Variants in NFATC3 observed in about 807,000 individuals in gnomAD.
NFATC3 encodes nuclear factor of activated T-cells, cytoplasmic 3.
In NFATC3, 46 loss-of-function variants were observed where a neutral mutation model predicts 98.6. That is an observed-to-expected ratio of 0.47 (90% confidence interval 0.37 to 0.60). The LOEUF (loss-of-function observed/expected upper bound fraction) is 0.60. NFATC3 is among the 20% of genes least tolerant of loss of function. The pLI, the probability that NFATC3 is intolerant of heterozygous loss-of-function variation, is 0.00. For missense variants in NFATC3, 1,256 were observed against 1,295.5 expected (o/e 0.97, Z 0.47); for synonymous variants, 512 against 472.2 (o/e 1.08, Z -1.09).
intron 3 of NFATC3, among the ~76,000 whole-genome samples, chr16:68,127,314 A>G (rs529812553): frequency 6.6e-6 from 1 of 152,220 alleles, no homozygotes; most frequent in Non-Finnish European, 1.5e-5. Flanking sequence ...TTAACATTTG[A>G]TTAACATTCC....
chr16:68,176,174 C>A (rs1486975997), intron 6 of NFATC3, among the ~76,000 whole-genome samples: 1 of 152,226 alleles, frequency 6.6e-6, no homozygotes, highest in South Asian at 2.1e-4. Flanking sequence ...AATGGGGTTT[C>A]ACCATATTGG....
At chr16:68,174,605 A>G in intron 6 of NFATC3, 91 bp downstream of exon 6, 1 of 1,124,320 alleles carries the variant, frequency 8.9e-7, no homozygotes, top group Non-Finnish European at 1.2e-6. Flanking sequence ...ATTACAAAGT[A>G]GTTTTCATAA....
intron 8 of NFATC3, among the ~76,000 whole-genome samples, chr16:68,186,778 CTGTTATGTTAG>C (rs72404327): frequency 0.1 from 15,668 of 152,072 alleles, 1,064 homozygotes; most frequent in Non-Finnish European, 0.16. Flanking sequence ...GACCTGATCT[CTGTTATGTTAG>C]TGTTATTTTG....
chr16:68,090,758 A>T (rs1200199397), intron 1 of NFATC3, among the ~76,000 whole-genome samples: 1 of 152,138 alleles, frequency 6.6e-6, no homozygotes, highest in Non-Finnish European at 1.5e-5. Flanking sequence ...TAGAAATTTA[A>T]TGGTGTGTTT....
At chr16:68,098,625 A>C (rs1171283802) in intron 1 of NFATC3, among the ~76,000 whole-genome samples, 1 of 152,088 alleles carries the variant, frequency 6.6e-6, no homozygotes, top group Non-Finnish European at 1.5e-5. Flanking sequence ...GAAACTGCCA[A>C]ACTGTTTTCC....
intron 3 of NFATC3, chr16:68,138,682 C>G: frequency 7.8e-7 from 1 of 1,286,822 alleles, no homozygotes; most frequent in Non-Finnish European, 1.0e-6. Context: ...TCACATGGCC[C>G]TACTTACATG....
chr16:68,086,663 TAA>T (rs2034395986), intron 1 of NFATC3: 1 of 985,442 alleles, frequency 1.0e-6, no homozygotes, highest in African/African-American at 1.7e-5. Context: ...AGGAAATGGA[TAA>T]GAGTAATCCC....
Position 68,127,084 on chromosome 16 carries a change from G to A in NFATC3, c.1401+474G>A, listed in dbSNP as rs145408430. 8.2e-3 allele frequency among the ~76,000 whole-genome samples: 1,252 copies of A among 152,104 alleles called. 16 individuals are homozygous for A. The highest frequency in any genetic ancestry group is 0.028 in the African/African-American group (1,171 of 41,480). On this transcript the variant is annotated intron_variant, in intron 3 of 9. Coordinates refer to ENST00000346183, the MANE Select transcript of NFATC3 (RefSeq NM_173165.3). ...AAAAATGAGCAGGGCGTGGTGGCGGGCACCTGTAATCCCAGCTCTGCGGCA... is the reference window on the plus strand; with the variant it reads ...AAAAATGAGCAGGGCGTGGTGGCGGACACCTGTAATCCCAGCTCTGCGGCA...
At chr16:68,104,116 C>T (rs2151467652) in intron 1 of NFATC3, among the ~76,000 whole-genome samples, 1 of 152,296 alleles carries the variant, frequency 6.6e-6, no homozygotes, top group South Asian at 2.1e-4. Flanking sequence ...CATTGTACAT[C>T]ACTTTGGAGA....
chr16:68,214,426 CT>C (rs766173021), intron 9 of NFATC3: 7 of 1,613,556 alleles, frequency 4.3e-6, no homozygotes, highest in Admixed American at 3.3e-5. Flanking sequence ...TCTGGAGAAT[CT>C]AGAGGGTGAG....
At chr16:68,199,273 G>C (rs1186026800) in intron 9 of NFATC3, among the ~76,000 whole-genome samples, 3 of 149,988 alleles carry the variant, frequency 2.0e-5, no homozygotes, top group African/African-American at 7.3e-5. Context: ...GCCCAGGCTG[G>C]AGTGCAGTGG....
At chr16:68,221,355 G>A (rs929111551) in intron 9 of NFATC3, 25 of 1,589,842 alleles carry the variant, frequency 1.6e-5, no homozygotes, top group Non-Finnish European at 2.0e-5. Context: ...GGACTTGCAT[G>A]ATTAACACTC....
rs772815082 is a variant in NFATC3, at chr16:68,228,733, A to T, written c.*2262A>T. Reference sequence around the variant, plus strand: ...AGCACACATCCATTGGACTATGCAAATCAATTTCTACTAGCAGCACTGAGC... The same window carrying T: ...AGCACACATCCATTGGACTATGCAATTCAATTTCTACTAGCAGCACTGAGC... On this transcript the variant is annotated 3_prime_UTR_variant, in exon 10 of 10. Coordinates refer to ENST00000346183, the MANE Select transcript of NFATC3 (RefSeq NM_173165.3). The T allele has an allele frequency of 1.3e-5, 2 of 152,594 alleles. No homozygotes were observed. The highest frequency in any genetic ancestry group is 2.9e-5 in the Non-Finnish European group (2 of 68,032). The allele number at this position is 152,594 out of a possible 1,614,324, so 9.5% of individuals were successfully genotyped here.
At chr16:68,117,259 A>G (rs1567505654) in intron 1 of NFATC3, among the ~76,000 whole-genome samples, 1 of 152,256 alleles carries the variant, frequency 6.6e-6, no homozygotes. Context: ...TTTAGCTACC[A>G]TCATAATTCA....
chr16:68,111,534 T>G (rs1415814762), intron 1 of NFATC3, among the ~76,000 whole-genome samples: 2 of 152,184 alleles, frequency 1.3e-5, no homozygotes, highest in Non-Finnish European at 2.9e-5. Flanking sequence ...GTTAGATGGG[T>G]CTCTTGAATA....
In NFATC3 at chr16:68,085,383, G is replaced by A; in HGVS notation, c.-299G>A. 1 of 194,694 alleles carries A rather than the reference G, an allele frequency of 5.1e-6. No individual in the cohort carries two copies. The allele number at this position is 194,694 out of a possible 1,614,324, so 12.1% of individuals were successfully genotyped here. ...CGGGCGCGCGGCAGGGCGCGAGAGC[G>A]CACCCGCGGCGGCGGTGGCGGCGAC... On this transcript the variant is annotated 5_prime_UTR_variant, in exon 1 of 10. Transcript: ENST00000346183.
chr16:68,099,420 G>A (rs1166956884), intron 1 of NFATC3, among the ~76,000 whole-genome samples: 3 of 151,526 alleles, frequency 2.0e-5, no homozygotes, highest in African/African-American at 7.3e-5. Context: ...GGGCGACAGA[G>A]CGAGACCCCA....
chr16:68,223,268 G>T (rs763805559), intron 9 of NFATC3, among the ~76,000 whole-genome samples: 1 of 152,190 alleles, frequency 6.6e-6, no homozygotes, highest in South Asian at 2.1e-4. Context: ...AGGCACAATG[G>T]CTCATGCCTG....
chr16:68,100,928 G>GTT (rs2035315271), intron 1 of NFATC3, among the ~76,000 whole-genome samples: 1 of 151,380 alleles, frequency 6.6e-6, no homozygotes, highest in African/African-American at 2.4e-5. Context: ...GTGTGTGTGT[G>GTT]TGTGAAACAA....
Sources: gnomAD v4.1 joint callset for allele counts (sites outside exome capture counted in the v4.1 genomes callset) on GRCh38, gnomAD v4.1.1 for gene constraint, MANE v1.5 for transcripts, NCBI Gene and HGNC (gene_info 2026-07-23, HGNC 2026-07-21) for gene names.